The following FIGN variants were observed in gnomAD, a reference collection of about 807,000 sequenced individuals.
FIGN encodes fidgetin, microtubule severing factor.
In FIGN, 11 loss-of-function variants were observed where a neutral mutation model predicts 51.3. The observed-to-expected ratio is 0.21, with a 90% CI of 0.13 to 0.35. The LOEUF (loss-of-function observed/expected upper bound fraction) is 0.35, where lower values mean the gene tolerates loss of function less well. Among genes scored for constraint, FIGN ranks in the 10% least tolerant of loss-of-function variants. The pLI is 1.00. For missense variants in FIGN, 857 were observed against 943.6 expected, an observed-to-expected ratio of 0.91 and a Z score of 1.20; for synonymous variants, 407 against 363.2, an observed-to-expected ratio of 1.12 and a Z score of -1.37.
intron 2 of FIGN, among the ~76,000 whole-genome samples, chr2:163,622,604 C>G (rs1240805024): frequency 6.6e-6 from 1 of 151,902 alleles, no homozygotes; most frequent in African/African-American, 2.4e-5. Flanking sequence ...CTCTGTCACC[C>G]AGGCTGGAGC....
intron 2 of FIGN, among the ~76,000 whole-genome samples, chr2:163,669,748 A>C (rs1488071621): frequency 1.3e-5 from 2 of 152,206 alleles, no homozygotes; most frequent in Admixed American, 6.5e-5. Flanking sequence ...TCTGCCAAAC[A>C]AACTCCCAAA....
At chr2:163,678,619 T>C (rs987543577) in intron 2 of FIGN, among the ~76,000 whole-genome samples, 5 of 152,184 alleles carry the variant, frequency 3.3e-5, no homozygotes, top group Non-Finnish European at 5.9e-5. Context: ...AAATTTACAA[T>C]TGAGTCACTA....
chr2:163,731,561 GA>G (rs1013347617), intron 2 of FIGN, among the ~76,000 whole-genome samples: 16 of 151,682 alleles, frequency 1.1e-4, no homozygotes, highest in Admixed American at 6.6e-4. Context: ...TTATGGGAAG[GA>G]AAAAAATATC....
rs1233373338 is a variant in FIGN at position 163,607,640 on chromosome 2, A to AT, written c.*1911dup. ...GGGGCTTCTCATTGCATTTATTTAA[A>AT]TTTTTTTAAAAATGTACATCACTTA... On this transcript the variant is annotated 3_prime_UTR_variant, in exon 3 of 3. Coordinates refer to ENST00000333129, the MANE Select transcript of FIGN (RefSeq NM_018086.4). The AT allele has an allele frequency of 2.0e-5, 3 of 152,698 alleles. No homozygotes were observed. Among genetic ancestry groups the AT allele is most frequent in the East Asian group, 3.9e-4 (2 of 5,182 alleles). The allele number at this position is 152,698 out of a possible 1,614,324, so 9.5% of individuals were successfully genotyped here.
rs1222428127 is a variant in FIGN, at chr2:163,609,431, G to A, written c.*121C>T. ...CTGACTCTAAAGATGCAACTTAATC[G>A]TCATCTTCCCCAGTACCCTTTGCAA... is the stretch of plus-strand genomic sequence containing the variant. On this transcript the variant is annotated 3_prime_UTR_variant, in exon 3 of 3. Coordinates refer to ENST00000333129, the MANE Select transcript of FIGN (RefSeq NM_018086.4). 1.3e-4 allele frequency: 108 copies of A among 815,958 alleles called. No individual in the cohort carries two copies. In the East Asian group the frequency reaches 2.2e-3, roughly 17 times the overall value. The allele number at this position is 815,958 out of a possible 1,614,324, so 50.5% of individuals were successfully genotyped here.
At chr2:163,675,289 A>T (rs1271340446) in intron 2 of FIGN, among the ~76,000 whole-genome samples, 1 of 152,224 alleles carries the variant, frequency 6.6e-6, no homozygotes, top group Admixed American at 6.5e-5. Context: ...GTTTTGCAAG[A>T]TCTGACACAC....
intron 2 of FIGN, among the ~76,000 whole-genome samples, chr2:163,612,867 A>G (rs939267708): frequency 4.6e-5 from 7 of 151,848 alleles, no homozygotes; most frequent in Non-Finnish European, 7.4e-5. Context: ...AACTCTTTCA[A>G]TTTCTATAGG....
At chr2:163,711,130 G>A (rs1056788277) in intron 2 of FIGN, among the ~76,000 whole-genome samples, 10 of 152,064 alleles carry the variant, frequency 6.6e-5, no homozygotes, top group African/African-American at 1.2e-4. Context: ...ATTAGAAGAC[G>A]CTTGCAGCTT....
intron 2 of FIGN, among the ~76,000 whole-genome samples, chr2:163,708,934 A>G (rs1207531752): frequency 1.3e-5 from 2 of 152,230 alleles, no homozygotes; most frequent in East Asian, 3.8e-4. Flanking sequence ...TTCATTGTTC[A>G]CAACGATATA....
At chr2:163,708,842 C>T (rs1262184896) in intron 2 of FIGN, among the ~76,000 whole-genome samples, 1 of 152,142 alleles carries the variant, frequency 6.6e-6, no homozygotes, top group African/African-American at 2.4e-5. Context: ...TACTATACTA[C>T]CCCAAGTAAG....
At chr2:163,661,459 T>A (rs1255311734) in intron 2 of FIGN, among the ~76,000 whole-genome samples, 1 of 151,810 alleles carries the variant, frequency 6.6e-6, no homozygotes, top group Admixed American at 6.6e-5. Flanking sequence ...TACAATGGTG[T>A]GATCTCTGCT....
intron 2 of FIGN, among the ~76,000 whole-genome samples, chr2:163,628,241 AG>A (rs1381761041): frequency 7.4e-6 from 1 of 134,604 alleles, no homozygotes; most frequent in Non-Finnish European, 1.6e-5. Context: ...AATCTAATAG[AG>A]AGAGGTGGCT....
chr2:163,668,031 A>T (rs1683812881), intron 2 of FIGN, among the ~76,000 whole-genome samples: 1 of 134,668 alleles, frequency 7.4e-6, no homozygotes. Flanking sequence ...CCCCCAAAAA[A>T]CCCTCCACAA....
intron 2 of FIGN, among the ~76,000 whole-genome samples, chr2:163,724,233 G>A (rs561352296): frequency 6.6e-6 from 1 of 152,280 alleles, no homozygotes; most frequent in East Asian, 1.9e-4. Context: ...TTCCTGAGAT[G>A]TTCTTGCAAG....
chr2:163,628,683 T>C (rs944087176), intron 2 of FIGN, among the ~76,000 whole-genome samples: 1 of 151,868 alleles, frequency 6.6e-6, no homozygotes, highest in Non-Finnish European at 1.5e-5. Flanking sequence ...GTCAAAAGGA[T>C]GGGCTAACCA....
chr2:163,675,706 C>CTTTTTTTTTT (rs900840520), intron 2 of FIGN, among the ~76,000 whole-genome samples: 35 of 100,494 alleles, frequency 3.5e-4, no homozygotes, highest in South Asian at 6.8e-4. Flanking sequence ...TTCTTTCTTT[C>CTTTTTTTTTT]TTTTTTTTTT....
At chr2:163,721,003 G>GAAGGAGGAAGCAGTA (rs1684748538) in intron 2 of FIGN, among the ~76,000 whole-genome samples, 6 of 152,094 alleles carry the variant, frequency 3.9e-5, no homozygotes, top group Non-Finnish European at 7.4e-5. Context: ...AAAAGAAAGG[G>GAAGGAGGAAGCAGTA]AAGGAAGGAG....
At chr2:163,625,117 A>G (rs1279952416) in intron 2 of FIGN, among the ~76,000 whole-genome samples, 1 of 152,214 alleles carries the variant, frequency 6.6e-6, no homozygotes, top group East Asian at 1.9e-4. Context: ...GGACTTGTTA[A>G]CAAATGGTAA....
chr2:163,683,533 G>A (rs1048210951), intron 2 of FIGN, among the ~76,000 whole-genome samples: 20 of 152,292 alleles, frequency 1.3e-4, no homozygotes, highest in African/African-American at 4.1e-4. Context: ...AAGATTAAAC[G>A]GAGAGAAAGG....
Sources: gnomAD v4.1 joint callset for allele counts (sites outside exome capture counted in the v4.1 genomes callset) on GRCh38, gnomAD v4.1.1 for gene constraint, MANE v1.5 for transcripts, NCBI Gene and HGNC (gene_info 2026-07-23, HGNC 2026-07-21) for gene names.